GRIA1: variants seen among roughly 807,000 people sequenced by gnomAD.
GRIA1 encodes glutamate receptor 1.
In GRIA1, 31 loss-of-function variants were observed where a neutral mutation model predicts 99.2. The ratio of observed to expected loss-of-function variants is 0.31; its 90% confidence interval spans 0.23 to 0.42. The LOEUF is 0.42. Ranked by LOEUF, GRIA1 falls within the 10% of genes least tolerant of loss-of-function variation. The pLI is 1.00. For missense variants in GRIA1, 782 were observed against 1,157.5 expected (o/e 0.68, Z 4.71); for synonymous variants, 438 against 432.4 (o/e 1.01, Z -0.16).
At chr5:153,795,596 T>G in intron 14 of GRIA1, 2 of 1,537,396 alleles carry the variant, frequency 1.3e-6, no homozygotes, top group Non-Finnish European at 1.8e-6. Context: ...GTAAGGTCAG[T>G]CACCGGCTAC....
chr5:153,629,171 G>A (rs1185524546), intron 2 of GRIA1, among the ~76,000 whole-genome samples: 2 of 152,170 alleles, frequency 1.3e-5, no homozygotes, highest in African/African-American at 2.4e-5. Flanking sequence ...CGCAGACTTA[G>A]GCTGTGAGGA....
intron 10 of GRIA1, among the ~76,000 whole-genome samples, chr5:153,705,074 C>T (rs1758793868): frequency 6.6e-6 from 1 of 152,186 alleles, no homozygotes. Flanking sequence ...GTCTCATGTT[C>T]TTGGATTCCT....
chr5:153,655,073 G>A (rs1754842229), intron 4 of GRIA1, among the ~76,000 whole-genome samples: 1 of 152,160 alleles, frequency 6.6e-6, no homozygotes. Context: ...AAGTTCACAG[G>A]AGTCAGGTCC....
chr5:153,628,474 A>T (rs1239673898), intron 2 of GRIA1, among the ~76,000 whole-genome samples: 1 of 152,240 alleles, frequency 6.6e-6, no homozygotes, highest in Non-Finnish European at 1.5e-5. Context: ...CAATTACATT[A>T]CAACATGTTT....
chr5:153,651,232 C>T (rs1254105227), intron 4 of GRIA1, among the ~76,000 whole-genome samples: 1 of 152,202 alleles, frequency 6.6e-6, no homozygotes, highest in Admixed American at 6.5e-5. Context: ...TCATTCCTTT[C>T]ACCTTCTTAC....
At chr5:153,655,157 AT>A (rs1754847975) in intron 4 of GRIA1, among the ~76,000 whole-genome samples, 2 of 152,212 alleles carry the variant, frequency 1.3e-5, no homozygotes, top group African/African-American at 4.8e-5. Flanking sequence ...TTGACTTCCT[AT>A]CTGTACAGTG....
intron 5 of GRIA1, among the ~76,000 whole-genome samples, chr5:153,673,997 G>A (rs1217371594): frequency 6.6e-6 from 1 of 152,218 alleles, no homozygotes; most frequent in Non-Finnish European, 1.5e-5. Flanking sequence ...TAACTCATAG[G>A]AGCTTGCCCA....
At chr5:153,603,531 T>TAA (rs11399181) in intron 2 of GRIA1, among the ~76,000 whole-genome samples, 36 of 151,398 alleles carry the variant, frequency 2.4e-4, no homozygotes, top group South Asian at 6.3e-4. Flanking sequence ...TAATAATAAT[T>TAA]AAAAAAAAAC....
chr5:153,508,964 T>G (rs1755800900), intron 2 of GRIA1, among the ~76,000 whole-genome samples: 1 of 152,178 alleles, frequency 6.6e-6, no homozygotes, highest in Non-Finnish European at 1.5e-5. Context: ...GCTCTCCTTT[T>G]CCAGGAGCAC....
Position 153,724,301 on chromosome 5 carries a change from A to AC in GRIA1, c.1823+18235dup, listed in dbSNP as rs1760329999. Among the ~76,000 whole-genome samples, 3 of 151,448 alleles carry AC rather than the reference A, an allele frequency of 2.0e-5. No homozygotes were observed. The South Asian group carries it at 6.3e-4, about 32-fold the overall frequency. The stretch of plus-strand genomic sequence containing the variant: ...TAAAACCACAAAGATGGGGAAAAAA[A>AC]CAGAGCAGAAAAACTGGAAACTCTA... On this transcript the variant is annotated intron_variant, in intron 11 of 15. Coordinates refer to ENST00000285900, the MANE Select transcript of GRIA1 (RefSeq NM_000827.4).
At chr5:153,619,700 AAAAG>A (rs1246718605) in intron 2 of GRIA1, among the ~76,000 whole-genome samples, 2 of 151,990 alleles carry the variant, frequency 1.3e-5, no homozygotes, top group South Asian at 2.1e-4. Flanking sequence ...TATTTTAAAA[AAAAG>A]AGAGAGAGAG....
At chr5:153,669,296 A>T (rs911043206) in intron 5 of GRIA1, among the ~76,000 whole-genome samples, 1 of 152,220 alleles carries the variant, frequency 6.6e-6, no homozygotes, top group Non-Finnish European at 1.5e-5. Flanking sequence ...CAAAACTCTT[A>T]AAAAGCTGTT....
intron 2 of GRIA1, among the ~76,000 whole-genome samples, chr5:153,599,333 A>T (rs905980799): frequency 1.1e-4 from 16 of 152,230 alleles, no homozygotes; most frequent in Admixed American, 2.6e-4. Flanking sequence ...GAAAGTATGA[A>T]AGAAGTTTAA....
chr5:153,658,230 A>G (rs184882666), intron 5 of GRIA1, among the ~76,000 whole-genome samples: 29 of 152,302 alleles, frequency 1.9e-4, no homozygotes, highest in Non-Finnish European at 2.9e-4. Flanking sequence ...AAGAATACAC[A>G]GAACAAGGGT....
intron 2 of GRIA1, among the ~76,000 whole-genome samples, chr5:153,511,148 A>G (rs899771797): frequency 6.6e-6 from 1 of 152,232 alleles, no homozygotes; most frequent in Non-Finnish European, 1.5e-5. Flanking sequence ...GTGACAGATC[A>G]ATGACCACAA....
intron 2 of GRIA1, among the ~76,000 whole-genome samples, chr5:153,532,651 C>T (rs370407968): frequency 4.1e-4 from 63 of 152,254 alleles, no homozygotes; most frequent in African/African-American, 1.5e-3. Context: ...TGACACCCAC[C>T]AGGCTCACTG....
chr5:153,663,262 T>C (rs933634969), intron 5 of GRIA1, among the ~76,000 whole-genome samples: 13 of 152,202 alleles, frequency 8.5e-5, no homozygotes, highest in African/African-American at 2.9e-4. Context: ...GAAAAACCTT[T>C]TGTAAAGTCA....
intron 2 of GRIA1, among the ~76,000 whole-genome samples, chr5:153,639,872 C>T (rs1234164647): frequency 1.3e-5 from 2 of 152,128 alleles, no homozygotes; most frequent in Non-Finnish European, 2.9e-5. Context: ...CCAGTGAGTA[C>T]AAAAGTTCTA....
intron 11 of GRIA1, among the ~76,000 whole-genome samples, chr5:153,735,371 G>C (rs867529768): frequency 6.6e-6 from 1 of 152,158 alleles, no homozygotes; most frequent in Non-Finnish European, 1.5e-5. Flanking sequence ...GGGGGTCCAC[G>C]TGAGAGAGTC....
Sources: gnomAD v4.1 joint callset for allele counts (sites outside exome capture counted in the v4.1 genomes callset) on GRCh38, gnomAD v4.1.1 for gene constraint, MANE v1.5 for transcripts, NCBI Gene and HGNC (gene_info 2026-07-23, HGNC 2026-07-21) for gene names.